SCHIP1: variants seen among roughly 807,000 people sequenced by gnomAD.
The protein encoded by SCHIP1 is schwannomin-interacting protein 1.
A neutral mutation model predicts 29.7 loss-of-function variants in SCHIP1; 8 were observed. That is an observed-to-expected ratio of 0.27 (90% CI 0.16 to 0.49). The LOEUF is 0.49. Among genes scored for constraint, SCHIP1 ranks in the 20% least tolerant of loss-of-function variants. SCHIP1 has a pLI of 0.99. For synonymous variants in SCHIP1, 76 were observed against 94.9 expected (o/e 0.80, Z 1.16); for missense variants, 193 against 294.6 (o/e 0.66, Z 2.52).
chr3:159,328,329 T>G, the SCHIP1 span, among the ~76,000 whole-genome samples: 1 of 152,002 alleles, frequency 6.6e-6, no homozygotes, highest in Admixed American at 6.6e-5. Flanking sequence ...CTTGAGGAAT[T>G]TATGGTCTTA....
the SCHIP1 span, among the ~76,000 whole-genome samples, chr3:159,443,317 A>G: frequency 6.6e-6 from 1 of 152,204 alleles, no homozygotes; most frequent in Non-Finnish European, 1.5e-5. Flanking sequence ...ATAAGCAAGC[A>G]TATTTGAGAA....
At chr3:159,869,181 G>C (rs1374972249) in intron 2 of SCHIP1, among the ~76,000 whole-genome samples, 1 of 151,846 alleles carries the variant, frequency 6.6e-6, no homozygotes, top group Non-Finnish European at 1.5e-5. Context: ...CATTTCCCAG[G>C]TTGTAACTTA....
chr3:159,330,577 GTA>G, the SCHIP1 span, among the ~76,000 whole-genome samples: 1 of 152,098 alleles, frequency 6.6e-6, no homozygotes, highest in Admixed American at 6.5e-5. Context: ...ATACTGATAT[GTA>G]TTTTAAGGTA....
At chr3:159,717,353 C>T in the SCHIP1 span, among the ~76,000 whole-genome samples, 1 of 152,140 alleles carries the variant, frequency 6.6e-6, no homozygotes, top group East Asian at 1.9e-4. Context: ...CATTCAAAAG[C>T]TAGCAGAAGG....
the SCHIP1 span, among the ~76,000 whole-genome samples, chr3:159,741,100 G>C: frequency 5.7e-4 from 86 of 152,190 alleles, no homozygotes; most frequent in African/African-American, 2.0e-3. Flanking sequence ...TGGTATCATG[G>C]CTTTTTCTTT....
At chr3:159,801,742 A>G in the SCHIP1 span, among the ~76,000 whole-genome samples, 1 of 152,154 alleles carries the variant, frequency 6.6e-6, no homozygotes, top group African/African-American at 2.4e-5. Flanking sequence ...TATATACCTT[A>G]CAATTTTTTA....
At chr3:159,533,876 T>G in the SCHIP1 span, among the ~76,000 whole-genome samples, 1 of 152,214 alleles carries the variant, frequency 6.6e-6, no homozygotes, top group Admixed American at 6.5e-5. Context: ...AAGTCAAGAA[T>G]TGGCCAGAGA....
the SCHIP1 span, among the ~76,000 whole-genome samples, chr3:159,352,097 C>T: frequency 3.0e-4 from 46 of 152,236 alleles, 1 homozygote; most frequent in East Asian, 7.4e-3. Context: ...TCGGCAGCCC[C>T]GCTGCTTATG....
chr3:159,680,516 A>T, the SCHIP1 span, among the ~76,000 whole-genome samples: 2,641 of 124,336 alleles, frequency 0.021, 39 homozygotes, highest in East Asian at 0.049. Flanking sequence ...TCAAAAAAAA[A>T]ATATATATAT....
chr3:159,625,730 G>A, the SCHIP1 span, among the ~76,000 whole-genome samples: 2,120 of 152,024 alleles, frequency 0.014, 87 homozygotes, highest in East Asian at 0.17. Flanking sequence ...CTTCTCCAAA[G>A]CCTTTCTCCT....
At chr3:159,316,793 C>T in the SCHIP1 span, among the ~76,000 whole-genome samples, 1 of 152,142 alleles carries the variant, frequency 6.6e-6, no homozygotes, top group Admixed American at 6.5e-5. Context: ...TCTTACGTCA[C>T]ATGATAAAAG....
chr3:159,887,665 T>C (rs1717097078), intron 3 of SCHIP1, 43 bp from the exon 5 acceptor site: 1 of 1,608,492 alleles, frequency 6.2e-7, no homozygotes, highest in Non-Finnish European at 8.5e-7. Flanking sequence ...GGATGCTAGC[T>C]GGCATGCATG....
chr3:159,443,752 C>A, the SCHIP1 span, among the ~76,000 whole-genome samples: 1 of 152,244 alleles, frequency 6.6e-6, no homozygotes, highest in East Asian at 1.9e-4. Context: ...CGTGATCTGC[C>A]CGCCTCGGCC....
chr3:159,715,891 T>G, the SCHIP1 span, among the ~76,000 whole-genome samples: 3 of 152,086 alleles, frequency 2.0e-5, no homozygotes, highest in East Asian at 5.8e-4. Context: ...ATTCAGGAAA[T>G]AGAGAGAATG....
chr3:159,467,840 T>C, the SCHIP1 span, among the ~76,000 whole-genome samples: 8 of 152,146 alleles, frequency 5.3e-5, no homozygotes, highest in African/African-American at 1.7e-4. Context: ...AATTGAGTGA[T>C]TGTAAATATC....
the SCHIP1 span, among the ~76,000 whole-genome samples, chr3:159,476,699 A>G: frequency 6.6e-6 from 1 of 152,116 alleles, no homozygotes. Context: ...GGCAAATCAT[A>G]ATTTTCTATA....
At chr3:159,343,246 C>T in the SCHIP1 span, among the ~76,000 whole-genome samples, 1 of 152,216 alleles carries the variant, frequency 6.6e-6, no homozygotes, top group African/African-American at 2.4e-5. Context: ...AACCATACTC[C>T]TTCTCCAGTG....
At chr3:159,394,328 C>T in the SCHIP1 span, among the ~76,000 whole-genome samples, 1 of 152,084 alleles carries the variant, frequency 6.6e-6, no homozygotes, top group Non-Finnish European at 1.5e-5. Flanking sequence ...CCTAATTGCT[C>T]TGGCCAGAAC....
At chr3:159,590,073 G>C in the SCHIP1 span, among the ~76,000 whole-genome samples, 1 of 151,976 alleles carries the variant, frequency 6.6e-6, no homozygotes, top group South Asian at 2.1e-4. Flanking sequence ...GCTAAATCTC[G>C]CAGCCCTGGG....
Sources: gnomAD v4.1 joint callset for allele counts (sites outside exome capture counted in the v4.1 genomes callset) on GRCh38, gnomAD v4.1.1 for gene constraint, MANE v1.5 for transcripts, NCBI Gene and HGNC (gene_info 2026-07-23, HGNC 2026-07-21) for gene names.